Variants in RBFOX1 observed in about 807,000 individuals in gnomAD.
RBFOX1 encodes the protein RNA binding fox-1 homolog 1, also known as RNA binding protein fox-1 homolog 1.
A neutral mutation model predicts 57.7 loss-of-function variants in RBFOX1; 8 were observed. That is an observed-to-expected ratio of 0.14 (90% CI 0.08 to 0.25). The LOEUF is 0.25. RBFOX1 is among the 10% of genes least tolerant of loss of function. The pLI is 1.00. For synonymous variants in RBFOX1, 326 were observed against 222.4 expected (o/e 1.47, Z -4.15); for missense variants, 611 against 548.5 (o/e 1.11, Z -1.14).
At chr16:5,891,766 G>A (rs1597663895) in intron 4 of RBFOX1, among the ~76,000 whole-genome samples, 1 of 152,198 alleles carries the variant, frequency 6.6e-6, no homozygotes, top group Non-Finnish European at 1.5e-5. Flanking sequence ...GGGCAGAGCT[G>A]GGGTAGAGCA....
chr16:6,924,788 G>A (rs2075219425), intron 3 of RBFOX1, among the ~76,000 whole-genome samples: 1 of 150,536 alleles, frequency 6.6e-6, no homozygotes, highest in African/African-American at 2.5e-5. Flanking sequence ...CCATTAACTT[G>A]TCATTTAGCA....
At chr16:7,697,451 C>G (rs939632690) in intron 14 of RBFOX1, among the ~76,000 whole-genome samples, 1 of 152,112 alleles carries the variant, frequency 6.6e-6, no homozygotes, top group Non-Finnish European at 1.5e-5. Context: ...CTGAACTCTC[C>G]AAGGTGTAAT....
Position 6,417,190 on chromosome 16 carries a change from T to G in RBFOX1, c.-64+100133T>G, listed in dbSNP as rs113410414. ...CCATGCCCAGTAAACTTTTGTATTT[T>G]TAGTAGAGATGGGGTTTCACCATGT... On this transcript the variant is annotated intron_variant, in intron 2 of 15. Coordinates refer to ENST00000550418, the MANE Select transcript of RBFOX1 (RefSeq NM_018723.4). Among the ~76,000 whole-genome samples the G allele has an allele frequency of 6.6e-3, 999 of 151,708 alleles. 11 individuals carry two copies. Among genetic ancestry groups the G allele is most frequent in the African/African-American group, 0.02 (809 of 41,374 alleles).
intron 1 of RBFOX1, among the ~76,000 whole-genome samples, chr16:5,389,859 A>G (rs1294702100): frequency 6.6e-6 from 1 of 151,396 alleles, no homozygotes; most frequent in Non-Finnish European, 1.5e-5. Flanking sequence ...CACCACGACC[A>G]GCTAATTTTT....
intron 2 of RBFOX1, among the ~76,000 whole-genome samples, chr16:5,533,167 G>A (rs540387569): frequency 6.6e-5 from 10 of 152,266 alleles, no homozygotes; most frequent in Middle Eastern, 3.4e-3. Flanking sequence ...GGGTAAGAAC[G>A]TATTTAGAAG....
chr16:5,593,167 A>T (rs984755350), intron 2 of RBFOX1, among the ~76,000 whole-genome samples: 2 of 152,246 alleles, frequency 1.3e-5, no homozygotes, highest in Non-Finnish European at 2.9e-5. Context: ...AGCCATAAAA[A>T]AGGATGAGTT....
intron 1 of RBFOX1, among the ~76,000 whole-genome samples, chr16:6,303,239 G>C (rs1393674228): frequency 6.6e-6 from 1 of 152,018 alleles, no homozygotes; most frequent in South Asian, 2.1e-4. Context: ...GCTTAGTTCC[G>C]ATCACTTCAG....
intron 1 of RBFOX1, among the ~76,000 whole-genome samples, chr16:6,316,650 A>T (rs1833159): frequency 0.53 from 79,975 of 151,924 alleles, 21,799 homozygotes; most frequent in Middle Eastern, 0.68. Context: ...AAGAATACAG[A>T]AGAGTACTTC....
intron 4 of RBFOX1, among the ~76,000 whole-genome samples, chr16:7,147,347 G>A (rs1020508869): frequency 6.6e-5 from 10 of 151,450 alleles, no homozygotes; most frequent in African/African-American, 1.9e-4. Context: ...AGGTTTGAGT[G>A]GACATCTGCA....
chr16:6,014,967 C>T (rs893108439), upstream of RBFOX1, among the ~76,000 whole-genome samples: 2 of 152,030 alleles, frequency 1.3e-5, no homozygotes, highest in Non-Finnish European at 2.9e-5. Flanking sequence ...GCAATCCCCC[C>T]ACCTCAGCCT....
chr16:6,121,055 T>G (rs920339327), intron 1 of RBFOX1, among the ~76,000 whole-genome samples: 4 of 152,248 alleles, frequency 2.6e-5, no homozygotes, highest in African/African-American at 7.2e-5. Context: ...TTCATGTGTG[T>G]CCTAATATTA....
At chr16:7,206,228 A>G (rs13334303) in intron 4 of RBFOX1, among the ~76,000 whole-genome samples, 6,455 of 152,212 alleles carry the variant, frequency 0.042, 436 homozygotes, top group African/African-American at 0.15. Flanking sequence ...AAGTGGATTT[A>G]CCAGACAGTA....
At chr16:6,109,929 C>T (rs980642157) in intron 1 of RBFOX1, among the ~76,000 whole-genome samples, 2 of 152,052 alleles carry the variant, frequency 1.3e-5, no homozygotes, top group South Asian at 4.2e-4. Context: ...CCAGTTGTAG[C>T]CCTGTGGTTT....
chr16:7,028,320 G>T (rs1568434914), intron 3 of RBFOX1, among the ~76,000 whole-genome samples: 2 of 152,074 alleles, frequency 1.3e-5, no homozygotes. Context: ...ATGGGCTTCT[G>T]TGAAATTGCT....
At chr16:6,507,505 T>TCCAAA in intron 2 of RBFOX1, among the ~76,000 whole-genome samples, 1 of 5,346 alleles carries the variant, frequency 1.9e-4, no homozygotes, top group Non-Finnish European at 6.0e-4. Context: ...ACCCTATCTG[T>TCCAAA]ACAAAAAAAA....
At chr16:5,815,595 T>C (rs2055605596) in intron 3 of RBFOX1, among the ~76,000 whole-genome samples, 1 of 152,200 alleles carries the variant, frequency 6.6e-6, no homozygotes, top group Non-Finnish European at 1.5e-5. Context: ...AAGTGGACCC[T>C]GTTCCAGGAA....
At chr16:5,534,587 G>A (rs1444894658) in intron 2 of RBFOX1, among the ~76,000 whole-genome samples, 2 of 152,172 alleles carry the variant, frequency 1.3e-5, no homozygotes, top group African/African-American at 4.8e-5. Flanking sequence ...AAAGCCACAC[G>A]ACTCAGCAAG....
chr16:6,206,005 A>G (rs890087719), intron 1 of RBFOX1, among the ~76,000 whole-genome samples: 1 of 151,868 alleles, frequency 6.6e-6, no homozygotes, highest in African/African-American at 2.4e-5. Flanking sequence ...TCATCTAAAG[A>G]GCAGAACATA....
intron 3 of RBFOX1, among the ~76,000 whole-genome samples, chr16:6,929,456 G>A (rs574811462): frequency 5.9e-5 from 9 of 152,200 alleles, no homozygotes; most frequent in East Asian, 1.9e-4. Flanking sequence ...TATCAGAAGC[G>A]TGCTTTTCTG....
Sources: gnomAD v4.1 joint callset for allele counts (sites outside exome capture counted in the v4.1 genomes callset) on GRCh38, gnomAD v4.1.1 for gene constraint, MANE v1.5 for transcripts, NCBI Gene and HGNC (gene_info 2026-07-23, HGNC 2026-07-21) for gene names.